The following RASGRF2 variants were observed in gnomAD, a reference collection of about 807,000 sequenced individuals.
RASGRF2 encodes the protein ras-specific guanine nucleotide-releasing factor 2.
RASGRF2 carries 76 observed loss-of-function variants against 151.0 expected under a neutral mutation model. The observed-to-expected ratio is 0.50, with a 90% confidence interval of 0.42 to 0.61. The LOEUF (loss-of-function observed/expected upper bound fraction) is 0.61, where lower values mean the gene tolerates loss of function less well. Among genes scored for constraint, RASGRF2 ranks in the 20% least tolerant of loss-of-function variants. The pLI is 0.00. For synonymous variants in RASGRF2, 504 were observed against 566.5 expected (o/e 0.89, Z 1.57); for missense variants, 1,148 against 1,564.6 (o/e 0.73, Z 4.49).
chr5:81,197,847 T>C (rs1161044812), intron 18 of RASGRF2, among the ~76,000 whole-genome samples: 2 of 152,240 alleles, frequency 1.3e-5, no homozygotes, highest in Admixed American at 6.5e-5. Flanking sequence ...GACTTTGCAG[T>C]GTTCAGTTCA....
In RASGRF2 at chr5:80,960,632, C is replaced by G; in HGVS notation, c.-107C>G. On this transcript the variant is annotated 5_prime_UTR_variant, in exon 1 of 27. Transcript: ENST00000265080. This position sits in a 1 kb window ranked among gnomAD's most constrained non-coding sequence, Gnocchi z 5.5. ...CGGCGTGGGGAAAGGGGGCGCCCTT[C>G]GCCGGCCGGGACCTGAGCGGTCGCG... 9.2e-7 allele frequency: 1 copy of G among 1,091,726 alleles called. No homozygotes were observed. Among genetic ancestry groups the G allele is most frequent in the Non-Finnish European group, 1.2e-6 (1 of 858,300 alleles). 67.6% of individuals were successfully genotyped at this position (1,091,726 alleles called of 1,614,324 possible).
At chr5:81,209,856 C>T (rs774148691) in intron 22 of RASGRF2, among the ~76,000 whole-genome samples, 2 of 152,184 alleles carry the variant, frequency 1.3e-5, no homozygotes, top group Non-Finnish European at 2.9e-5. Context: ...CCTGCTTCTT[C>T]ATTGTCCTCT....
At chr5:81,213,834 C>T (rs897592908) in intron 23 of RASGRF2, among the ~76,000 whole-genome samples, 2 of 152,172 alleles carry the variant, frequency 1.3e-5, no homozygotes, top group Non-Finnish European at 2.9e-5. Flanking sequence ...ATAAAAGCCA[C>T]AGTTTTTAAA....
chr5:81,088,565 A>G (rs1037469191), intron 9 of RASGRF2: 1 of 152,166 alleles, frequency 6.6e-6, no homozygotes, highest in South Asian at 2.1e-4. Flanking sequence ...ACTGAATTGC[A>G]ATTATGACTG....
intron 23 of RASGRF2, among the ~76,000 whole-genome samples, chr5:81,215,358 C>A (rs181232674): frequency 2.1e-4 from 32 of 151,592 alleles, no homozygotes; most frequent in African/African-American, 7.5e-4. Context: ...GCAACCTCCG[C>A]CTCCCGGGTT....
At chr5:80,980,531 A>G (rs1267475575) in intron 1 of RASGRF2, among the ~76,000 whole-genome samples, 2 of 152,056 alleles carry the variant, frequency 1.3e-5, no homozygotes, top group Non-Finnish European at 2.9e-5. Flanking sequence ...AATCCCAGCT[A>G]CTCGGGAGGC....
intron 18 of RASGRF2, among the ~76,000 whole-genome samples, chr5:81,198,589 G>A (rs1211434513): frequency 6.6e-6 from 1 of 152,120 alleles, no homozygotes; most frequent in Non-Finnish European, 1.5e-5. Flanking sequence ...ACAGGTGACT[G>A]CCACCATACC....
chr5:81,026,750 C>T (rs773572976), intron 1 of RASGRF2, among the ~76,000 whole-genome samples: 1 of 149,374 alleles, frequency 6.7e-6, no homozygotes, highest in African/African-American at 2.5e-5. Context: ...TTTTTAAGGG[C>T]GAAAAAAAAA....
At chr5:81,212,640 T>A in intron 23 of RASGRF2, 77 bp downstream of exon 23, 1 of 1,330,352 alleles carries the variant, frequency 7.5e-7, no homozygotes, top group Non-Finnish European at 1.0e-6. Flanking sequence ...TAAATATTAC[T>A]AATTAGGAAA....
At chr5:81,135,942 CA>C (rs1753742657) in intron 17 of RASGRF2, among the ~76,000 whole-genome samples, 1 of 152,154 alleles carries the variant, frequency 6.6e-6, no homozygotes. Flanking sequence ...AGAGTAGTCC[CA>C]ATTCTTCCCT....
At chr5:81,062,327 T>TA (rs1399036039) in intron 2 of RASGRF2, among the ~76,000 whole-genome samples, 2 of 152,184 alleles carry the variant, frequency 1.3e-5, no homozygotes, top group African/African-American at 4.8e-5. Flanking sequence ...TTTTGTTACT[T>TA]ACATATTTTT....
chr5:81,025,053 T>G (rs1185937408), intron 1 of RASGRF2, among the ~76,000 whole-genome samples: 1 of 152,174 alleles, frequency 6.6e-6, no homozygotes, highest in Non-Finnish European at 1.5e-5. Flanking sequence ...ATGCTCCCCT[T>G]TCAAGAAGCA....
chr5:80,998,385 T>C (rs1012683488), intron 1 of RASGRF2, among the ~76,000 whole-genome samples: 2 of 152,228 alleles, frequency 1.3e-5, no homozygotes, highest in Non-Finnish European at 2.9e-5. Context: ...CATTCTGAGA[T>C]TTAAATGATC....
At chr5:81,175,302 T>G (rs11952133) in intron 17 of RASGRF2, among the ~76,000 whole-genome samples, 89,232 of 152,090 alleles carry the variant, frequency 0.59, 28,998 homozygotes, top group East Asian at 0.8. Flanking sequence ...ATAGACCACT[T>G]GTAAAGCTCA....
At chr5:81,054,866 G>A (rs1442328494) in intron 2 of RASGRF2, among the ~76,000 whole-genome samples, 1 of 150,910 alleles carries the variant, frequency 6.6e-6, no homozygotes, top group Non-Finnish European at 1.5e-5. Context: ...GGATTCCTAG[G>A]TATTTTATTC....
chr5:81,038,081 A>G (rs929087825), intron 1 of RASGRF2, among the ~76,000 whole-genome samples: 1 of 152,200 alleles, frequency 6.6e-6, no homozygotes, highest in Non-Finnish European at 1.5e-5. Context: ...TTTATGATAT[A>G]TTATTATACA....
At chr5:81,017,236 T>G (rs760666089) in intron 1 of RASGRF2, among the ~76,000 whole-genome samples, 40 of 152,214 alleles carry the variant, frequency 2.6e-4, no homozygotes, top group Non-Finnish European at 5.0e-4. Context: ...CTTCATGCTT[T>G]TCAAGGCATG....
intron 2 of RASGRF2, among the ~76,000 whole-genome samples, chr5:81,045,520 G>C (rs919010583): frequency 2.0e-5 from 3 of 152,196 alleles, no homozygotes; most frequent in African/African-American, 7.2e-5. Context: ...TCAGGAGACA[G>C]ACTTTAGAAA....
At chr5:81,064,043 G>A (rs951825374) in intron 2 of RASGRF2, among the ~76,000 whole-genome samples, 1 of 152,108 alleles carries the variant, frequency 6.6e-6, no homozygotes, top group Admixed American at 6.5e-5. Flanking sequence ...TGTGGGTCAG[G>A]AACCCAGGCA....
Sources: allele counts gnomAD v4.1 joint callset (sites outside exome capture counted in the v4.1 genomes callset), GRCh38; gene constraint gnomAD v4.1.1; non-coding constraint Gnocchi (gnomAD v3.1); transcripts MANE v1.5; gene names NCBI Gene and HGNC (gene_info 2026-07-23, HGNC 2026-07-21).